The following PCDHGA6 variants were observed in gnomAD, a reference collection of about 807,000 sequenced individuals.
The protein encoded by PCDHGA6 is protocadherin gamma subfamily A, 6.
A neutral mutation model predicts 60.6 loss-of-function variants in PCDHGA6; 41 were observed. That is an observed-to-expected ratio of 0.68 (90% confidence interval 0.53 to 0.88). The LOEUF is 0.88. Among genes scored for constraint, PCDHGA6 ranks in the 40% least tolerant of loss-of-function variants. The pLI is 0.00. For synonymous variants in PCDHGA6, 594 were observed against 524.4 expected (o/e 1.13, Z -1.81); for missense variants, 1,312 against 1,203.0 (o/e 1.09, Z -1.34).
chr5:141,423,325 G>A lies in PCDHGA6; in HGVS notation c.2424+46818G>A, dbSNP rs201044967. ...GCTGTACTTGGTGGTGGCGGTGGCCGCAGTCTCCTGCATCTTCCTGGTCTT... is the reference window on the plus strand; with the variant it reads ...GCTGTACTTGGTGGTGGCGGTGGCCACAGTCTCCTGCATCTTCCTGGTCTT... On this transcript the variant is annotated intron_variant, in intron 1 of 3. Coordinates refer to ENST00000517434, the MANE Select transcript of PCDHGA6 (RefSeq NM_018919.3). 133 of 1,614,016 alleles carry A rather than the reference G, an allele frequency of 8.2e-5. No individual in the cohort carries two copies. Among genetic ancestry groups the A allele is most frequent in the Non-Finnish European group, 4.1e-5 (48 of 1,180,008 alleles).
chr5:141,433,090 C>T, intron 1 of PCDHGA6: 2 of 1,614,210 alleles, frequency 1.2e-6, no homozygotes, highest in Non-Finnish European at 1.7e-6. Flanking sequence ...ACTATGCAGA[C>T]ATGCTCGTCA....
At chr5:141,399,231 T>C in intron 1 of PCDHGA6, 1 of 1,613,942 alleles carries the variant, frequency 6.2e-7, no homozygotes, top group Non-Finnish European at 8.5e-7. Flanking sequence ...TCAAAATACA[T>C]GACCAAGATT....
At chr5:141,443,820 T>A (rs1329478151) in intron 1 of PCDHGA6, among the ~76,000 whole-genome samples, 1 of 151,986 alleles carries the variant, frequency 6.6e-6, no homozygotes, top group Non-Finnish European at 1.5e-5. Context: ...TTGGAAAACA[T>A]AATTAGGTAA....
In PCDHGA6 at chr5:141,385,469, C is replaced by T. The variant is rs536184133; in HGVS notation, c.2424+8962C>T. 3.5e-5 allele frequency: 50 copies of T among 1,439,702 alleles called. No homozygotes were observed. In the South Asian group the frequency reaches 7.4e-4, roughly 21 times the overall value. The allele number at this position is 1,439,702 out of a possible 1,614,324, so 89.2% of individuals were successfully genotyped here. ...GTTTACCAGTTTCCTTCAGTGGTGA[C>T]ACTTTAATATAGAACACATAGGATA... On this transcript the variant is annotated intron_variant, in intron 1 of 3. Transcript: ENST00000517434.
At position 141,403,190 on chromosome 5, in the gene PCDHGA6, C is replaced by G. The variant is rs768673759; in HGVS notation, c.2424+26683C>G. The G allele has an allele frequency of 1.1e-5, 17 of 1,613,864 alleles. No homozygotes were observed. The African/African-American group carries it at 2.0e-4, about 19-fold the overall frequency. On this transcript the variant is annotated intron_variant, in intron 1 of 3. Coordinates refer to ENST00000517434, the MANE Select transcript of PCDHGA6 (RefSeq NM_018919.3). ...GACGCAGCTTTTCTCTCTGAACCCG[C>G]GCAGCGGCACCTTGGTCACCGCGGG...
chr5:141,404,435 A>G, intron 1 of PCDHGA6: 2 of 1,613,032 alleles, frequency 1.2e-6, no homozygotes, highest in South Asian at 2.2e-5. Flanking sequence ...GGCAGAGGAT[A>G]CCATCCAAGG....
At chr5:141,455,686 G>A (rs1282071031) in intron 1 of PCDHGA6, among the ~76,000 whole-genome samples, 1 of 152,094 alleles carries the variant, frequency 6.6e-6, no homozygotes. Context: ...AAGGCTGTGG[G>A]AATCGCCAAG....
intron 1 of PCDHGA6, among the ~76,000 whole-genome samples, chr5:141,471,913 G>A (rs1307168228): frequency 6.6e-6 from 1 of 152,164 alleles, no homozygotes. Context: ...CAAGCATGAG[G>A]GAAATTTTGG....
At chr5:141,423,265 G>C in intron 1 of PCDHGA6, 1 of 1,613,666 alleles carries the variant, frequency 6.2e-7, no homozygotes, top group Non-Finnish European at 8.5e-7. Flanking sequence ...CGGCAGCCTC[G>C]AGTCTCTGGC....
At chr5:141,453,058 G>C (rs2098754889) in intron 1 of PCDHGA6, among the ~76,000 whole-genome samples, 2 of 152,076 alleles carry the variant, frequency 1.3e-5, no homozygotes, top group Admixed American at 1.3e-4. Flanking sequence ...TGCAGTTTTA[G>C]AGTTTTGCCA....
rs553276457 is a variant in PCDHGA6 at position 141,480,179 on chromosome 5, G to A, written c.2425-14628G>A. Among the ~76,000 whole-genome samples, 10 of 152,058 alleles carry A rather than the reference G, an allele frequency of 6.6e-5. No individual in the cohort carries two copies. In the South Asian group the frequency reaches 8.3e-4, roughly 13 times the overall value. On this transcript the variant is annotated intron_variant, in intron 1 of 3. Transcript: ENST00000517434. ...AGCATTTTGGGAGGCTGAGGCAGGC[G>A]GATTGCTTGAGGCCAGCAGTTCAAG... is the stretch of plus-strand genomic sequence containing the variant.
At chr5:141,408,412 G>A in intron 1 of PCDHGA6, 2 of 1,614,052 alleles carry the variant, frequency 1.2e-6, no homozygotes, top group South Asian at 1.1e-5. Flanking sequence ...GAGTGAGCGC[G>A]GAGAAGCTGC....
chr5:141,486,337 C>T lies in PCDHGA6; in HGVS notation c.2425-8470C>T, dbSNP rs116799150. On this transcript the variant is annotated intron_variant, in intron 1 of 3. Coordinates refer to ENST00000517434, the MANE Select transcript of PCDHGA6 (RefSeq NM_018919.3). The surrounding 1 kb of genome is among the most constrained non-coding windows in gnomAD (Gnocchi z 5.0). ...GGTCAAACGGAGATGTGAGCCTCCG[C>T]ATTCCTGACCACTTGCCATTTGCCC... 1 of 1,614,076 alleles carries T rather than the reference C, an allele frequency of 6.2e-7. No homozygotes were observed. Among genetic ancestry groups the T allele is most frequent in the Non-Finnish European group, 8.5e-7 (1 of 1,179,966 alleles).
rs911461762 is a variant in PCDHGA6 at position 141,512,938 on chromosome 5, T to C, written c.*1765T>C. The stretch of plus-strand genomic sequence containing the variant: ...ACTCTAATATTTATATGGCTTTTTT[T>C]CTTCGACAAAAAAATAATAAAACGT... On this transcript the variant is annotated 3_prime_UTR_variant, in exon 4 of 4. Coordinates refer to ENST00000517434, the MANE Select transcript of PCDHGA6 (RefSeq NM_018919.3). 6.6e-6 allele frequency: 1 copy of C among 151,928 alleles called. No homozygotes were observed. Among genetic ancestry groups the C allele is most frequent in the Non-Finnish European group, 1.5e-5 (1 of 67,934 alleles). The allele number at this position is 151,928 out of a possible 1,614,324, so 9.4% of individuals were successfully genotyped here.
At position 141,476,689 on chromosome 5, in the gene PCDHGA6, C is replaced by A; in HGVS notation, c.2425-18118C>A. Reference sequence around the variant, plus strand: ...GCGTGCAGACGCGGGAGGACAGCACCAAGTACGCGGAGCTGGTGTTGGAGC... The same window carrying A: ...GCGTGCAGACGCGGGAGGACAGCACAAAGTACGCGGAGCTGGTGTTGGAGC... On this transcript the variant is annotated intron_variant, in intron 1 of 3. Transcript: ENST00000517434. The surrounding 1 kb of genome is among the most constrained non-coding windows in gnomAD (Gnocchi z 7.6). The A allele has an allele frequency of 1.9e-6, 3 of 1,614,226 alleles. No homozygotes were observed. Among genetic ancestry groups the A allele is most frequent in the Non-Finnish European group, 2.5e-6 (3 of 1,180,046 alleles).
intron 1 of PCDHGA6, chr5:141,428,040 G>A: frequency 6.2e-7 from 1 of 1,608,668 alleles, no homozygotes; most frequent in Non-Finnish European, 8.5e-7. Flanking sequence ...CGGCTACCTG[G>A]TGACCAAGGT....
chr5:141,411,515 T>A (rs1381474249), intron 1 of PCDHGA6: 1 of 151,910 alleles, frequency 6.6e-6, no homozygotes, highest in East Asian at 1.9e-4. Flanking sequence ...TCCTGGGAGG[T>A]CAAGGTTGCA....
intron 1 of PCDHGA6, chr5:141,440,019 G>A (rs747595475): frequency 6.5e-5 from 10 of 153,114 alleles, no homozygotes; most frequent in Non-Finnish European, 8.8e-5. Flanking sequence ...AAGGATCTGG[G>A]ACTCAGTGTC....
chr5:141,438,613 TATATATATATATATATATATATAC>T (rs1240061633), intron 1 of PCDHGA6, among the ~76,000 whole-genome samples: 627 of 36,484 alleles, frequency 0.017, 21 homozygotes, highest in African/African-American at 0.051. Flanking sequence ...TATATATATA[TATATATATATATATATATATATAC>T]ACACACACAC....
Sources: gnomAD v4.1 joint callset for allele counts (sites outside exome capture counted in the v4.1 genomes callset) on GRCh38, gnomAD v4.1.1 for gene constraint, Gnocchi (gnomAD v3.1) non-coding constraint, MANE v1.5 for transcripts, NCBI Gene and HGNC (gene_info 2026-07-23, HGNC 2026-07-21) for gene names.